The following OSBP2 variants were observed in gnomAD, a reference collection of about 807,000 sequenced individuals.
OSBP2 encodes the protein oxysterol binding protein 2.
OSBP2 carries 66 observed loss-of-function variants against 96.0 expected under a neutral mutation model. That is an observed-to-expected ratio of 0.69 (90% CI 0.56 to 0.84). The LOEUF (loss-of-function observed/expected upper bound fraction) is 0.84, where lower values mean the gene tolerates loss of function less well. OSBP2 is among the 40% of genes least tolerant of loss of function. The probability of loss-of-function intolerance (pLI) is 0.00; values close to 1 mark genes in which losing one functional copy is unlikely to be tolerated. For missense variants in OSBP2, 1,038 were observed against 1,222.7 expected (o/e 0.85, Z 2.25); for synonymous variants, 525 against 520.9 (o/e 1.01, Z -0.11).
intron 2 of OSBP2, among the ~76,000 whole-genome samples, chr22:30,768,847 A>G (rs568705210): frequency 1.3e-5 from 2 of 152,348 alleles, no homozygotes; most frequent in Non-Finnish European, 2.9e-5. Flanking sequence ...ATTCTTTGTT[A>G]CTGTTTAGGT....
chr22:30,812,023 T>C (rs1401149312), intron 2 of OSBP2, among the ~76,000 whole-genome samples: 1 of 151,562 alleles, frequency 6.6e-6, no homozygotes, highest in African/African-American at 2.4e-5. Flanking sequence ...ACCTGGCTAA[T>C]TTTTTATTTT....
intron 2 of OSBP2, among the ~76,000 whole-genome samples, chr22:30,754,702 C>T (rs1036909092): frequency 1.2e-4 from 18 of 152,178 alleles, no homozygotes; most frequent in African/African-American, 3.4e-4. Flanking sequence ...TGTCCTGCCC[C>T]GCCGGCCTCA....
chr22:30,726,844 A>C (rs1316530495), intron 1 of OSBP2, among the ~76,000 whole-genome samples: 1 of 152,216 alleles, frequency 6.6e-6, no homozygotes, highest in Non-Finnish European at 1.5e-5. Context: ...CAGGTCTCAG[A>C]GTGACAGCCT....
intron 3 of OSBP2, among the ~76,000 whole-genome samples, chr22:30,875,375 T>G (rs1408015503): frequency 6.7e-6 from 1 of 149,518 alleles, no homozygotes; most frequent in Non-Finnish European, 1.5e-5. Context: ...TCTTTGTTGT[T>G]TTTTTTTTTT....
intron 2 of OSBP2, among the ~76,000 whole-genome samples, chr22:30,854,261 C>G (rs1290104739): frequency 6.6e-6 from 1 of 151,154 alleles, no homozygotes; most frequent in African/African-American, 2.4e-5. Flanking sequence ...TGTAACCCTA[C>G]AATACACTTT....
chr22:30,731,446 T>C (rs563956800), intron 1 of OSBP2: 2 of 152,548 alleles, frequency 1.3e-5, no homozygotes, highest in South Asian at 4.2e-4. Context: ...GGGAGATTCA[T>C]CTGACCTGTT....
intron 1 of OSBP2, among the ~76,000 whole-genome samples, chr22:30,716,766 G>T (rs551683311): frequency 5.3e-5 from 8 of 152,202 alleles, no homozygotes; most frequent in Admixed American, 3.3e-4. Context: ...TCATTTATTT[G>T]ATTTTTGTTG....
rs149627850 is a variant in OSBP2, at chr22:30,881,506, G to A, written c.1108-5920G>A. On this transcript the variant is annotated intron_variant, in intron 3 of 13. Transcript: ENST00000332585. The surrounding 1 kb of genome is among the most constrained non-coding windows in gnomAD (Gnocchi z 4.5). ...TCCTCCTGCTCACAGCTGAGCACGA[G>A]TCTCCTGGCCCCAGGTAGAGTTGTC... Among the ~76,000 whole-genome samples the A allele has an allele frequency of 6.6e-6, 1 of 152,166 alleles. No individual in the cohort carries two copies. Among genetic ancestry groups the A allele is most frequent in the South Asian group, 2.1e-4 (1 of 4,828 alleles).
chr22:30,737,036 G>A (rs2089866102), intron 1 of OSBP2, among the ~76,000 whole-genome samples: 1 of 151,872 alleles, frequency 6.6e-6, no homozygotes, highest in Non-Finnish European at 1.5e-5. Flanking sequence ...TTTTTTTTGA[G>A]ACGGAGTCTT....
chr22:30,894,874 G>A (rs1339061440), intron 12 of OSBP2, among the ~76,000 whole-genome samples: 4 of 152,038 alleles, frequency 2.6e-5, no homozygotes, highest in East Asian at 3.9e-4. Flanking sequence ...ATACACCCAG[G>A]GAGACCATCT....
At position 30,764,090 on chromosome 22, in the gene OSBP2, C is replaced by T. The variant is rs544352949; in HGVS notation, c.853+22721C>T. On this transcript the variant is annotated intron_variant, in intron 2 of 13. Transcript: ENST00000332585. ...AAGAAACCGATACAGAGCTGGCCAC[C>T]TCCCTCTTGGGCCTTCACTTCTGGG... is the stretch of plus-strand genomic sequence containing the variant. Among the ~76,000 whole-genome samples the T allele has an allele frequency of 9.2e-5, 14 of 152,358 alleles. No individual in the cohort carries two copies. The East Asian group carries it at 2.7e-3, about 29-fold the overall frequency.
At chr22:30,764,154 C>T (rs2090241158) in intron 2 of OSBP2, 1 of 831,894 alleles carries the variant, frequency 1.2e-6, no homozygotes, top group Non-Finnish European at 1.4e-6. Context: ...CGGTTCTCGC[C>T]TCCCCTAGGC....
chr22:30,798,275 G>A (rs528346594), intron 2 of OSBP2, among the ~76,000 whole-genome samples: 6 of 152,124 alleles, frequency 3.9e-5, no homozygotes, highest in Admixed American at 3.3e-4. Flanking sequence ...TTTTTGAATC[G>A]GATTGGGTTT....
rs115483146 is a variant in OSBP2 at position 30,893,340 on chromosome 22, G to T, written c.1990+98G>T. On this transcript the variant is annotated intron_variant, in intron 9 of 13. Coordinates refer to ENST00000332585, the MANE Select transcript of OSBP2 (RefSeq NM_030758.4). ...AAGCCAGCTGGGGGCTTCCAAGGGA[G>T]ACCTCCCTGTAGGCCTGCCTCTTCA... 2.6e-4 allele frequency: 401 copies of T among 1,565,124 alleles called. 2 individuals are homozygous for T. The African/African-American group carries it at 5.1e-3, about 20-fold the overall frequency.
intron 2 of OSBP2, among the ~76,000 whole-genome samples, chr22:30,865,106 C>T (rs1325627539): frequency 6.6e-6 from 1 of 152,162 alleles, no homozygotes; most frequent in Non-Finnish European, 1.5e-5. Context: ...AAAAATAGCC[C>T]ACCTGGCTCC....
chr22:30,852,699 T>C (rs562835383), intron 2 of OSBP2, among the ~76,000 whole-genome samples: 1 of 152,312 alleles, frequency 6.6e-6, no homozygotes, highest in South Asian at 2.1e-4. Context: ...CCTCTTTTTC[T>C]AGCTTCTTAA....
At chr22:30,736,737 C>A (rs2089861528) in intron 1 of OSBP2, among the ~76,000 whole-genome samples, 1 of 152,206 alleles carries the variant, frequency 6.6e-6, no homozygotes, top group Non-Finnish European at 1.5e-5. Context: ...TAACTAAACT[C>A]CAAACATTAT....
chr22:30,717,086 G>GTTTT (rs144392805), intron 1 of OSBP2, among the ~76,000 whole-genome samples: 9,037 of 95,960 alleles, frequency 0.094, 676 homozygotes, highest in East Asian at 0.3. Flanking sequence ...TAATTTTACT[G>GTTTT]TTTTTGTGTG....
chr22:30,717,090 T>TGTGTGTGTGTGTG (rs1555907469), intron 1 of OSBP2, among the ~76,000 whole-genome samples: 1 of 118,318 alleles, frequency 8.5e-6, no homozygotes, highest in African/African-American at 3.2e-5. Context: ...TTTACTGTTT[T>TGTGTGTGTGTGTG]TGTGTGTGTG....
Sources: allele counts gnomAD v4.1 joint callset (sites outside exome capture counted in the v4.1 genomes callset), GRCh38; gene constraint gnomAD v4.1.1; non-coding constraint Gnocchi (gnomAD v3.1); transcripts MANE v1.5; gene names NCBI Gene and HGNC (gene_info 2026-07-23, HGNC 2026-07-21).